Variants in CEP170B observed in about 807,000 individuals in gnomAD.
The protein encoded by CEP170B is centrosomal protein of 170 kDa protein B.
Under a neutral mutation model 120.6 loss-of-function variants are expected in CEP170B, and 55 were observed. The observed-to-expected ratio is 0.46, with a 90% confidence interval of 0.37 to 0.57. CEP170B has a LOEUF of 0.57. Among genes scored for constraint, CEP170B ranks in the 20% least tolerant of loss-of-function variants. The pLI is 0.00. For missense variants in CEP170B, 2,212 were observed against 2,253.3 expected (o/e 0.98, Z 0.37); for synonymous variants, 1,033 against 954.5 (o/e 1.08, Z -1.52).
At position 104,878,433 on chromosome 14, in the gene CEP170B, A is replaced by T; in HGVS notation, c.275-10A>T. ...TCTTCTGCTCTGTGTTCGCCTTAAC[A>T]CGTGTCCACATTCCAACATGTATGT... On this transcript the variant is annotated splice_polypyrimidine_tract_variant and intron_variant, in intron 4 of 18. Coordinates refer to ENST00000414716, the MANE Select transcript of CEP170B (RefSeq NM_001112726.3). The T allele has an allele frequency of 6.2e-7, 1 of 1,612,458 alleles. No homozygotes were observed. Among genetic ancestry groups the T allele is most frequent in the East Asian group, 2.2e-5 (1 of 44,876 alleles).
chr14:104,868,040 C>A lies in CEP170B; in HGVS notation c.-27-384C>A. Among the ~76,000 whole-genome samples, 1 of 152,138 alleles carries A rather than the reference C, an allele frequency of 6.6e-6. No homozygotes were observed. The highest frequency in any genetic ancestry group is 1.5e-5 in the Non-Finnish European group (1 of 68,024). On this transcript the variant is annotated intron_variant, in intron 1 of 18. Coordinates refer to ENST00000414716, the MANE Select transcript of CEP170B (RefSeq NM_001112726.3). This position sits in a 1 kb window ranked among gnomAD's most constrained non-coding sequence, Gnocchi z 5.9. ...GGACCCTGATGGGCTATGCTGGGTC[C>A]TACCCATGAGCTGCTCCTGATGGGT...
intron 14 of CEP170B, 133 bp downstream of exon 14, chr14:104,893,268 C>G: frequency 8.4e-7 from 1 of 1,188,006 alleles, no homozygotes. Flanking sequence ...TGGAACATGT[C>G]CCCCTGGGTC....
chr14:104,886,676 C>T lies in CEP170B; in HGVS notation c.2437C>T (p.Leu813Phe), dbSNP rs768502059. Residue 813 changes from leucine to phenylalanine, a missense_variant, in exon 12 of 19, where the codon CTT becomes TTT. Leu to Phe is a conservative substitution (Grantham distance 22). Around this residue, in one of 2 missense-constraint regions of CEP170B, gnomAD observed 2,166 missense variants for 2,166.7 expected, o/e 1.00. Transcript: ENST00000414716. ...GGACGCTGTGTTATCTAGGAAACCG[C>T]TTGCGGCTCCAGGGGATGGGGAGGG... ...NGDAVLSRKP[L>F]AAPGDGEGLG... The T allele has an allele frequency of 3.9e-6, 6 of 1,545,590 alleles. No individual in the cohort carries two copies. The South Asian group carries it at 7.5e-5, about 19-fold the overall frequency.
chr14:104,890,262 A>ATGGATGGATGAATGGATGAGTGAG (rs1433349222), intron 13 of CEP170B, among the ~76,000 whole-genome samples: 8 of 114,316 alleles, frequency 7.0e-5, no homozygotes, highest in African/African-American at 2.7e-4. Flanking sequence ...GGATGGATGG[A>ATGGATGGATGAATGGATGAGTGAG]TGGATGGATG....
intron 4 of CEP170B, 86 bp from the exon 5 acceptor site, chr14:104,878,357 T>G (rs1895971054): frequency 1.2e-3 from 1,612 of 1,393,898 alleles, no homozygotes; most frequent in Non-Finnish European, 1.5e-3. Flanking sequence ...GATGGGCCCT[T>G]GAGCTGGCAC....
In CEP170B at chr14:104,894,894, G is replaced by A. The variant is rs749438107; in HGVS notation, c.4601G>A (p.Ser1534Asn). The change falls in exon 19 of 19, where the codon AGC (serine) becomes AAC (asparagine). Residue 1534 changes from serine to asparagine, a missense_variant. This residue lies in a region of CEP170B where 2,166 missense variants were observed against 2,166.7 expected (regional missense o/e 1.00). Transcript: ENST00000414716. Reference sequence around the variant, plus strand: ...CTGAGGAATTTCCCACAGCGGGCCAGCTGTGGGCCTCCCAGCCTCCCGGAC... The same window carrying A: ...CTGAGGAATTTCCCACAGCGGGCCAACTGTGGGCCTCCCAGCCTCCCGGAC... Reference protein sequence around the residue: ...LPLRNFPQRASCGPPSLPDPT... With the variant: ...LPLRNFPQRANCGPPSLPDPT... 22 of 1,601,708 alleles carry A rather than the reference G, an allele frequency of 1.4e-5. No individual in the cohort carries two copies. The highest frequency in any genetic ancestry group is 3.5e-5 in the Admixed American group (2 of 57,868).
At chr14:104,879,293 T>C (rs1421349299) in intron 5 of CEP170B, among the ~76,000 whole-genome samples, 4 of 151,976 alleles carry the variant, frequency 2.6e-5, no homozygotes, top group Non-Finnish European at 5.9e-5. Context: ...TTCCTCTGGG[T>C]GAAGGGATTT....
rs1050292789 is a variant in CEP170B, at chr14:104,891,177, A to G, written c.3878+1419A>G. Reference sequence around the variant, plus strand: ...GAGGGCCTCCTCAAAGGTTTTCATTAGAAATGAACTCCCTCACATGGTCAT... The same window carrying G: ...GAGGGCCTCCTCAAAGGTTTTCATTGGAAATGAACTCCCTCACATGGTCAT... On this transcript the variant is annotated intron_variant, in intron 13 of 18. Transcript: ENST00000414716. This position sits in a 1 kb window ranked among gnomAD's most constrained non-coding sequence, Gnocchi z 4.3. Among the ~76,000 whole-genome samples, 3 of 152,100 alleles carry G rather than the reference A, an allele frequency of 2.0e-5. No individual in the cohort carries two copies. Among genetic ancestry groups the G allele is most frequent in the Non-Finnish European group, 4.4e-5 (3 of 68,004 alleles).
At chr14:104,876,399 G>A in intron 3 of CEP170B, 54 bp downstream of exon 3, 2 of 1,508,326 alleles carry the variant, frequency 1.3e-6, no homozygotes, top group Admixed American at 2.0e-5. Flanking sequence ...CTTCAGCCCT[G>A]GCCCCTCCCT....
chr14:104,880,193 G>A (rs1896072354), intron 5 of CEP170B, 94 bp from the exon 6 acceptor site: 5 of 1,487,112 alleles, frequency 3.4e-6, no homozygotes, highest in Non-Finnish European at 9.1e-7. Context: ...AGTCATAGCT[G>A]GGCCCTCTGG....
chr14:104,896,383 G>C lies in CEP170B; in HGVS notation c.*1425G>C, dbSNP rs1409795559. On this transcript the variant is annotated 3_prime_UTR_variant, in exon 19 of 19. Coordinates refer to ENST00000414716, the MANE Select transcript of CEP170B (RefSeq NM_001112726.3). Reference sequence around the variant, plus strand: ...CTGGTCCCCGCCCCAAGAGCCTGCTGTCTGTATGGAGGAGGTGCTAGCCCG... The same window carrying C: ...CTGGTCCCCGCCCCAAGAGCCTGCTCTCTGTATGGAGGAGGTGCTAGCCCG... 2.9e-6 allele frequency: 1 copy of C among 347,048 alleles called. No individual in the cohort carries two copies. Among genetic ancestry groups the C allele is most frequent in the Non-Finnish European group, 5.8e-6 (1 of 173,890 alleles). The allele number at this position is 347,048 out of a possible 1,614,324, so 21.5% of individuals were successfully genotyped here. A position where few individuals can be genotyped will look rare whatever the true frequency, so the allele number is the denominator to read the frequency against.
chr14:104,893,520 C>T lies in CEP170B; in HGVS notation c.4039-3C>T, dbSNP rs747932483. 3 of 1,601,560 alleles carry T rather than the reference C, an allele frequency of 1.9e-6. No individual in the cohort carries two copies. The highest frequency in any genetic ancestry group is 2.3e-5 in the South Asian group (2 of 88,402). On this transcript the variant is annotated splice_polypyrimidine_tract_variant and splice_region_variant and intron_variant, in intron 14 of 18. Transcript: ENST00000414716. ...CCCACGGTGCCGGCCCTCCCTCTTG[C>T]AGCTGGTGCAGCGCATCCCCGAGGC...
intron 5 of CEP170B, among the ~76,000 whole-genome samples, chr14:104,880,040 C>T (rs2140672312): frequency 6.6e-6 from 1 of 152,286 alleles, no homozygotes. Context: ...CCTGCTCTGT[C>T]CTGCCCCACC....
At position 104,889,612 on chromosome 14, in the gene CEP170B, C is replaced by T; in HGVS notation, c.3740-8C>T. ...CCCCCAAACACACACGCTCCCACAC[C>T]TCAACAGCCACTCAGACCCCGAGGG... On this transcript the variant is annotated splice_polypyrimidine_tract_variant and splice_region_variant and intron_variant, in intron 12 of 18. Coordinates refer to ENST00000414716, the MANE Select transcript of CEP170B (RefSeq NM_001112726.3). 1 of 1,610,286 alleles carries T rather than the reference C, an allele frequency of 6.2e-7. No homozygotes were observed. The highest frequency in any genetic ancestry group is 1.1e-5 in the South Asian group (1 of 91,082).
chr14:104,878,520 CG>C lies in CEP170B; in HGVS notation c.333+22del. The C allele has an allele frequency of 6.2e-7, 1 of 1,608,630 alleles. No individual in the cohort carries two copies. The highest frequency in any genetic ancestry group is 1.3e-5 in the African/African-American group (1 of 75,020). ...ACTCAAGGTTAGTGCTGGCCAAGCC[CG>C]GGTGGCTCAGCCACGAGGGCTCAGC... On this transcript the variant is annotated intron_variant, in intron 5 of 18. Transcript: ENST00000414716.
chr14:104,885,625 C>G, intron 10 of CEP170B, 83 bp downstream of exon 10: 1 of 1,482,664 alleles, frequency 6.7e-7, no homozygotes, highest in Non-Finnish European at 8.9e-7. Context: ...CAGCGGGCCC[C>G]CCATGGGGCG....
chr14:104,867,849 G>A lies in CEP170B; in HGVS notation c.-27-575G>A, dbSNP rs1476154637. ...GGACATTTGGCCTCCTCTCGGTGGTGGACATATTGCTGACTCAGGGCCCCT... is the reference window on the plus strand; with the variant it reads ...GGACATTTGGCCTCCTCTCGGTGGTAGACATATTGCTGACTCAGGGCCCCT... On this transcript the variant is annotated intron_variant, in intron 1 of 18. Coordinates refer to ENST00000414716, the MANE Select transcript of CEP170B (RefSeq NM_001112726.3). The surrounding 1 kb of genome is among the most constrained non-coding windows in gnomAD (Gnocchi z 5.4). Among the ~76,000 whole-genome samples, 3 of 144,574 alleles carry A rather than the reference G, an allele frequency of 2.1e-5. No homozygotes were observed. Among genetic ancestry groups the A allele is most frequent in the African/African-American group, 7.7e-5 (3 of 38,998 alleles). The allele number at this position is 144,574 out of a possible 152,430, so 94.8% of individuals were successfully genotyped here. A position where few individuals can be genotyped will look rare whatever the true frequency, so the allele number is the denominator to read the frequency against.
In CEP170B at chr14:104,873,573, G is replaced by T. The variant is rs570313042; in HGVS notation, c.106-2683G>T. 3.9e-5 allele frequency among the ~76,000 whole-genome samples: 6 copies of T among 152,204 alleles called. 1 individual carries two copies. Among genetic ancestry groups the T allele is most frequent in the Admixed American group, 2.0e-4 (3 of 15,302 alleles). On this transcript the variant is annotated intron_variant, in intron 2 of 18. Coordinates refer to ENST00000414716, the MANE Select transcript of CEP170B (RefSeq NM_001112726.3). ...CTTGGTGGGTGAACCCTCCAGGGAA[G>T]GCCTGGGGCAGGGCTCAGAGGACCT...
At chr14:104,888,171 G>A (rs28457243) in intron 12 of CEP170B, among the ~76,000 whole-genome samples, 193 bp downstream of exon 12, 4 of 152,238 alleles carry the variant, frequency 2.6e-5, no homozygotes, top group Admixed American at 1.3e-4. Flanking sequence ...CGAGGGCAGG[G>A]CCCGCAGTCC....
Sources: allele counts gnomAD v4.1 joint callset (sites outside exome capture counted in the v4.1 genomes callset), GRCh38; gene constraint gnomAD v4.1.1; regional missense constraint gnomAD v4.1.1; non-coding constraint Gnocchi (gnomAD v3.1); transcripts MANE v1.5; gene names NCBI Gene and HGNC (gene_info 2026-07-23, HGNC 2026-07-21).